The following MEIKIN variants were observed in gnomAD, a reference collection of about 807,000 sequenced individuals.
The protein encoded by MEIKIN is meiosis-specific kinetochore protein.
chr5:131,911,420 G>T (rs1214381597), intron 8 of MEIKIN, among the ~76,000 whole-genome samples: 1 of 151,900 alleles, frequency 6.6e-6, no homozygotes, highest in African/African-American at 2.4e-5. Context: ...CTACATAAGG[G>T]TTTGCAAGAC....
intron 12 of MEIKIN, among the ~76,000 whole-genome samples, chr5:131,808,068 G>C (rs1452997579): frequency 1.3e-5 from 2 of 152,210 alleles, no homozygotes; most frequent in Admixed American, 6.5e-5. Flanking sequence ...GAGAAATGTA[G>C]AATCAGCAGT....
chr5:131,830,225 AC>A (rs1749692159), intron 11 of MEIKIN, among the ~76,000 whole-genome samples: 2 of 151,956 alleles, frequency 1.3e-5, no homozygotes, highest in South Asian at 4.2e-4. Context: ...CCCCATCTCT[AC>A]AATAAAAAAA....
At chr5:131,813,716 C>T (rs185084026) in intron 12 of MEIKIN, among the ~76,000 whole-genome samples, 4 of 151,598 alleles carry the variant, frequency 2.6e-5, no homozygotes, top group East Asian at 1.9e-4. Flanking sequence ...CTTGAGCCAC[C>T]GTGCCCAGCC....
intron 7 of MEIKIN, among the ~76,000 whole-genome samples, chr5:131,914,111 T>C (rs1288973530): frequency 6.6e-6 from 1 of 152,160 alleles, no homozygotes; most frequent in East Asian, 1.9e-4. Context: ...TTCAGTCCCT[T>C]TGCTATGTGA....
rs114536713 is a variant in MEIKIN at position 131,942,342 on chromosome 5, A to C, written c.349+293T>G. On this transcript the variant is annotated intron_variant, in intron 4 of 12. Transcript: ENST00000442687. ...ATAGTTAATTTCTACTCTCCTTCAGATCTTAATTCAATTACCATTCCCTCA... is the reference window on the plus strand; with the variant it reads ...ATAGTTAATTTCTACTCTCCTTCAGCTCTTAATTCAATTACCATTCCCTCA... Among the ~76,000 whole-genome samples the C allele has an allele frequency of 4.7e-3, 715 of 152,310 alleles. 8 individuals are homozygous for C. Among genetic ancestry groups the C allele is most frequent in the African/African-American group, 0.016 (679 of 41,556 alleles).
chr5:131,808,887 G>A (rs1314613181), intron 12 of MEIKIN, among the ~76,000 whole-genome samples: 1 of 152,028 alleles, frequency 6.6e-6, no homozygotes, highest in Non-Finnish European at 1.5e-5. Flanking sequence ...ATCAGCCTGG[G>A]CATCATGGTG....
chr5:131,898,352 G>A (rs896374623), intron 8 of MEIKIN, among the ~76,000 whole-genome samples: 1 of 152,192 alleles, frequency 6.6e-6, no homozygotes, highest in African/African-American at 2.4e-5. Flanking sequence ...CTACTAGAAG[G>A]TGTCTCCCAG....
chr5:131,878,999 G>T lies in MEIKIN; in HGVS notation c.753C>A (p.Thr251=), dbSNP rs1580886587. The change falls in exon 9 of 13, where the codon ACC becomes ACA. Residue 251 remains threonine, a synonymous_variant. Coordinates refer to ENST00000442687, the MANE Select transcript of MEIKIN (RefSeq NM_001303622.2). ...ILLAEKTCPS[T]PEKTKKKKTN... The stretch of plus-strand genomic sequence containing the variant: ...TTGCTTTTTTCTTTGTTTTTTCAGG[G>T]GTTGAAGGGCAAGTTTTCTCAGCAA... 2 of 398,352 alleles carry T rather than the reference G, an allele frequency of 5.0e-6. No individual in the cohort carries two copies. The highest frequency in any genetic ancestry group is 7.2e-5 in the East Asian group (2 of 27,954). The allele number at this position is 398,352 out of a possible 1,614,324, so 24.7% of individuals were successfully genotyped here.
chr5:131,883,862 G>C (rs979458278), intron 8 of MEIKIN, among the ~76,000 whole-genome samples: 7 of 152,160 alleles, frequency 4.6e-5, no homozygotes, highest in Admixed American at 4.6e-4. Context: ...TTTGGAAGGA[G>C]AGTAAAGGGA....
chr5:131,910,451 G>A (rs1021875217), intron 8 of MEIKIN, among the ~76,000 whole-genome samples: 1 of 151,978 alleles, frequency 6.6e-6, no homozygotes, highest in Non-Finnish European at 1.5e-5. Context: ...GGAGTGGTTT[G>A]TAGGGAAGGT....
At chr5:131,824,788 A>G (rs943572290) in intron 11 of MEIKIN, among the ~76,000 whole-genome samples, 1 of 152,164 alleles carries the variant, frequency 6.6e-6, no homozygotes, top group Admixed American at 6.5e-5. Context: ...AGAATATAAT[A>G]AATAATAGCT....
rs1197182759 is a variant in MEIKIN at position 131,807,747 on chromosome 5, T to C, written c.1100-489A>G. On this transcript the variant is annotated intron_variant, in intron 12 of 12. Coordinates refer to ENST00000442687, the MANE Select transcript of MEIKIN (RefSeq NM_001303622.2). Reference sequence around the variant, plus strand: ...ATTCTGGGGCCTTTGCCCCCACATCTTGTGCCAAGAGATCCAGAGTGGAAC... The same window carrying C: ...ATTCTGGGGCCTTTGCCCCCACATCCTGTGCCAAGAGATCCAGAGTGGAAC... 2.0e-5 allele frequency among the ~76,000 whole-genome samples: 3 copies of C among 152,276 alleles called. No homozygotes were observed. The East Asian group carries it at 5.8e-4, about 29-fold the overall frequency.
chr5:131,811,931 A>G (rs2149600371), intron 12 of MEIKIN, among the ~76,000 whole-genome samples: 1 of 152,326 alleles, frequency 6.6e-6, no homozygotes, highest in South Asian at 2.1e-4. Flanking sequence ...AATACACAGA[A>G]ATGTACACAT....
chr5:131,880,612 AG>A (rs1174951534), intron 8 of MEIKIN, among the ~76,000 whole-genome samples: 1 of 152,252 alleles, frequency 6.6e-6, no homozygotes, highest in Non-Finnish European at 1.5e-5. Flanking sequence ...AGGTTTCAAT[AG>A]CATTTCAATT....
intron 11 of MEIKIN, among the ~76,000 whole-genome samples, chr5:131,848,007 C>T (rs184185961): frequency 6.6e-6 from 1 of 152,170 alleles, no homozygotes; most frequent in East Asian, 1.9e-4. Flanking sequence ...CATAACCAAA[C>T]TTACGGGATT....
intron 9 of MEIKIN, among the ~76,000 whole-genome samples, chr5:131,871,994 C>A (rs1319897232): frequency 1.3e-5 from 2 of 152,050 alleles, no homozygotes; most frequent in Non-Finnish European, 2.9e-5. Flanking sequence ...AAAAACCCAT[C>A]CGTACGTCAC....
chr5:131,903,916 C>T (rs573526720), intron 8 of MEIKIN, among the ~76,000 whole-genome samples: 1 of 150,596 alleles, frequency 6.6e-6, no homozygotes, highest in African/African-American at 2.4e-5. Flanking sequence ...ATGACACTCA[C>T]ACACTCAAAG....
At chr5:131,828,182 G>T (rs921400337) in intron 11 of MEIKIN, among the ~76,000 whole-genome samples, 1 of 152,152 alleles carries the variant, frequency 6.6e-6, no homozygotes, top group Middle Eastern at 3.4e-3. Context: ...AGACACATCT[G>T]GCTCTGTCGC....
chr5:131,819,381 T>C (rs1291037042), intron 11 of MEIKIN, among the ~76,000 whole-genome samples: 1 of 140,000 alleles, frequency 7.1e-6, no homozygotes, highest in Non-Finnish European at 1.5e-5. Flanking sequence ...GCAGGAGGAT[T>C]CCTTGAGGCA....
Sources: gnomAD v4.1 joint callset for allele counts (sites outside exome capture counted in the v4.1 genomes callset) on GRCh38, gnomAD v4.1.1 for gene constraint, MANE v1.5 for transcripts, NCBI Gene and HGNC (gene_info 2026-07-23, HGNC 2026-07-21) for gene names.